Variants in SCD5 observed in about 807,000 individuals in gnomAD.
The protein encoded by SCD5 is stearoyl-CoA desaturase 5.
In SCD5, 20 loss-of-function variants were observed where a neutral mutation model predicts 30.4. The ratio of observed to expected loss-of-function variants is 0.66; its 90% confidence interval spans 0.46 to 0.96. The LOEUF is 0.96. Among genes scored for constraint, SCD5 ranks in the 40% least tolerant of loss-of-function variants. SCD5 has a pLI of 0.00. For synonymous variants in SCD5, 173 were observed against 176.4 expected, an observed-to-expected ratio of 0.98 and a Z score of 0.16; for missense variants, 381 against 443.3, an observed-to-expected ratio of 0.86 and a Z score of 1.26.
intron 3 of SCD5, among the ~76,000 whole-genome samples, chr4:82,655,357 C>T (rs1286877166): frequency 6.6e-6 from 1 of 152,134 alleles, no homozygotes; most frequent in Non-Finnish European, 1.5e-5. Flanking sequence ...CTATCACCAG[C>T]AGATGGTATT....
chr4:82,742,897 A>T (rs1237056769), intron 1 of SCD5, among the ~76,000 whole-genome samples: 1 of 152,142 alleles, frequency 6.6e-6, no homozygotes, highest in Admixed American at 6.5e-5. Flanking sequence ...CAGGGAGTGG[A>T]AAGCAACCTT....
At chr4:82,712,284 A>ACG (rs1240887658) in intron 1 of SCD5, among the ~76,000 whole-genome samples, 4 of 41,654 alleles carry the variant, frequency 9.6e-5, no homozygotes, top group African/African-American at 1.4e-4. Flanking sequence ...ATATATATAT[A>ACG]TATATATATA....
At chr4:82,710,862 G>A (rs115589309) in intron 1 of SCD5, among the ~76,000 whole-genome samples, 2,868 of 145,890 alleles carry the variant, frequency 0.02, 54 homozygotes, top group Non-Finnish European at 0.028. Context: ...GAAAATGAGA[G>A]AGAGAGAAAA....
chr4:82,758,536 T>A (rs1347282479), intron 1 of SCD5, among the ~76,000 whole-genome samples: 2 of 152,144 alleles, frequency 1.3e-5, no homozygotes, highest in Non-Finnish European at 2.9e-5. Context: ...TCTGAGAAAC[T>A]GGGGAAGAAA....
intron 1 of SCD5, 144 bp from the exon 2 acceptor site, chr4:82,705,557 G>A: frequency 8.7e-7 from 1 of 1,155,194 alleles, no homozygotes; most frequent in Non-Finnish European, 1.2e-6. Context: ...AACTTGAGAG[G>A]AGGCAGCCTT....
chr4:82,700,888 T>C (rs1022059520), intron 2 of SCD5, among the ~76,000 whole-genome samples: 11 of 133,350 alleles, frequency 8.2e-5, no homozygotes, highest in Admixed American at 7.6e-4. Context: ...TTGCAAAAAA[T>C]GGTAAAAAGA....
At chr4:82,634,797 A>G (rs1441479007) in intron 4 of SCD5, among the ~76,000 whole-genome samples, 1 of 152,224 alleles carries the variant, frequency 6.6e-6, no homozygotes, top group African/African-American at 2.4e-5. Context: ...CACAGAATCA[A>G]CACTGGCCAC....
Position 82,631,452 on chromosome 4 carries a change from T to G in SCD5, c.868A>C (p.Asn290His). The change falls in exon 5 of 5, where the codon AAT becomes CAT. Residue 290 changes from asparagine to histidine, a missense_variant. Physicochemically the swap from Asn to His is moderately conservative, Grantham distance 68. Transcript: ENST00000319540. Reference protein sequence around the residue: ...FDYSASEFGLNFNPTTWFIDF... With the variant: ...FDYSASEFGLHFNPTTWFIDF... ...ATGAACCAGGTGGTTGGGTTAAAAT[T>G]TAAGCCAAATTCACTCGCAGAGTAG... 1.2e-6 allele frequency: 2 copies of G among 1,614,158 alleles called. No individual in the cohort carries two copies. The highest frequency in any genetic ancestry group is 1.7e-6 in the Non-Finnish European group (2 of 1,180,020).
chr4:82,669,687 A>G (rs552226425), intron 3 of SCD5, among the ~76,000 whole-genome samples: 36 of 152,314 alleles, frequency 2.4e-4, no homozygotes, highest in African/African-American at 8.7e-4. Flanking sequence ...CCAGGTTCTC[A>G]GAGTAAGTAT....
rs149122891 is a variant in SCD5, at chr4:82,743,504, A to C, written c.233-38091T>G. 5.9e-5 allele frequency among the ~76,000 whole-genome samples: 9 copies of C among 152,242 alleles called. No homozygotes were observed. In the East Asian group the frequency reaches 1.5e-3, roughly 26 times the overall value. On this transcript the variant is annotated intron_variant, in intron 1 of 4. Coordinates refer to ENST00000319540, the MANE Select transcript of SCD5 (RefSeq NM_001037582.3). Reference sequence around the variant, plus strand: ...GCACTTCAGCCTATTAAAGTATAAAAGGGCAACAGGAAAAAAGTTATATAT... The same window carrying C: ...GCACTTCAGCCTATTAAAGTATAAACGGGCAACAGGAAAAAAGTTATATAT...
chr4:82,679,750 G>A (rs1307230828), intron 3 of SCD5, among the ~76,000 whole-genome samples: 1 of 152,126 alleles, frequency 6.6e-6, no homozygotes, highest in Non-Finnish European at 1.5e-5. Flanking sequence ...GAGAGGCTTT[G>A]GGGGGAAAGA....
intron 1 of SCD5, among the ~76,000 whole-genome samples, chr4:82,741,006 C>T (rs1346897066): frequency 6.6e-6 from 1 of 151,762 alleles, no homozygotes; most frequent in Non-Finnish European, 1.5e-5. Flanking sequence ...GCAATCACAG[C>T]TCACTGCAGC....
At chr4:82,729,107 G>C (rs149346685) in intron 1 of SCD5, among the ~76,000 whole-genome samples, 121 of 152,344 alleles carry the variant, frequency 7.9e-4, no homozygotes, top group African/African-American at 2.8e-3. Flanking sequence ...CTCACAAGTT[G>C]AAGAAGTCTT....
chr4:82,714,349 C>T (rs1345326514), intron 1 of SCD5, among the ~76,000 whole-genome samples: 1 of 152,116 alleles, frequency 6.6e-6, no homozygotes, highest in Non-Finnish European at 1.5e-5. Context: ...CATAGCTGCC[C>T]CCAATCAAAA....
chr4:82,634,572 T>C (rs1727384756), intron 4 of SCD5, among the ~76,000 whole-genome samples: 2 of 152,204 alleles, frequency 1.3e-5, no homozygotes, highest in African/African-American at 4.8e-5. Context: ...ACAGACATTA[T>C]GATGTACTCC....
intron 1 of SCD5, among the ~76,000 whole-genome samples, chr4:82,717,895 G>A (rs905633405): frequency 6.6e-6 from 1 of 151,264 alleles, no homozygotes; most frequent in African/African-American, 2.5e-5. Flanking sequence ...CAGCCTGGGC[G>A]ACAGAGTGAG....
chr4:82,663,631 T>G (rs1728073795), intron 3 of SCD5, among the ~76,000 whole-genome samples: 1 of 152,240 alleles, frequency 6.6e-6, no homozygotes. Flanking sequence ...AACTCCCACA[T>G]GCTTACCGTT....
intron 3 of SCD5, among the ~76,000 whole-genome samples, chr4:82,677,273 C>A (rs1417352934): frequency 6.6e-6 from 1 of 152,170 alleles, no homozygotes; most frequent in Non-Finnish European, 1.5e-5. Context: ...AGGGACTGTT[C>A]CTCTAGGAAA....
At chr4:82,661,075 G>C (rs140750150) in intron 3 of SCD5, 1 of 1,612,804 alleles carries the variant, frequency 6.2e-7, no homozygotes, top group South Asian at 1.1e-5. Flanking sequence ...GATGTGCTGT[G>C]TACTGATAAA....
Sources: allele counts gnomAD v4.1 joint callset (sites outside exome capture counted in the v4.1 genomes callset), GRCh38; gene constraint gnomAD v4.1.1; transcripts MANE v1.5; gene names NCBI Gene and HGNC (gene_info 2026-07-23, HGNC 2026-07-21).